The following GRHL2 variants were observed in gnomAD, a reference collection of about 807,000 sequenced individuals.
The protein encoded by GRHL2 is grainyhead-like protein 2 homolog.
GRHL2 carries 21 observed loss-of-function variants against 83.8 expected under a neutral mutation model. That is an observed-to-expected ratio of 0.25 (90% CI 0.18 to 0.36). GRHL2 has a LOEUF of 0.36. Among genes scored for constraint, GRHL2 ranks in the 10% least tolerant of loss-of-function variants. The pLI is 1.00. For missense variants in GRHL2, 623 were observed against 781.8 expected, an observed-to-expected ratio of 0.80 and a Z score of 2.42; for synonymous variants, 280 against 278.9, an observed-to-expected ratio of 1.00 and a Z score of -0.04.
chr8:101,502,585 C>T (rs549394187), intron 1 of GRHL2, among the ~76,000 whole-genome samples: 5 of 152,300 alleles, frequency 3.3e-5, no homozygotes, highest in South Asian at 2.1e-4. Flanking sequence ...CTGGCAGGGA[C>T]GCTGAGAACT....
At chr8:101,492,906 T>C (rs1289942744) in intron 1 of GRHL2, 117 bp downstream of exon 1, 17 of 990,102 alleles carry the variant, frequency 1.7e-5, no homozygotes, top group Non-Finnish European at 2.4e-5. Flanking sequence ...TTCTTTTTTC[T>C]TTTTCTTTTT....
chr8:101,599,081 C>A lies in GRHL2; in HGVS notation c.1028C>A (p.Thr343Lys). 2 of 1,612,596 alleles carry A rather than the reference C, an allele frequency of 1.2e-6. No homozygotes were observed. The highest frequency in any genetic ancestry group is 1.7e-6 in the Non-Finnish European group (2 of 1,178,814). The change falls in exon 8 of 16, where the codon ACG becomes AAG. Residue 343 changes from threonine (T) to lysine (K), a missense_variant. Around this residue, in one of 8 missense-constraint regions of GRHL2, gnomAD observed 96 missense variants for 144.8 expected, o/e 0.66. Transcript: ENST00000646743. ...DIADYKESFN[T>K]IGNIEEIAYN... ...GCCGATTACAAGGAGAGCTTTAATA[C>A]GATTGGAAACATTGAAGAGATTGCA...
At chr8:101,576,028 T>C (rs1384514172) in intron 6 of GRHL2, among the ~76,000 whole-genome samples, 3 of 152,232 alleles carry the variant, frequency 2.0e-5, no homozygotes, top group African/African-American at 7.2e-5. Context: ...GATTTCAAAG[T>C]GACAGCCAGC....
chr8:101,597,077 A>T (rs1375234085), intron 7 of GRHL2, among the ~76,000 whole-genome samples: 3 of 152,228 alleles, frequency 2.0e-5, no homozygotes, highest in African/African-American at 4.8e-5. Context: ...TCATCAGATT[A>T]GCAAGAAAGT....
chr8:101,498,924 A>T (rs1388986354), intron 1 of GRHL2, among the ~76,000 whole-genome samples: 2 of 152,072 alleles, frequency 1.3e-5, no homozygotes, highest in Non-Finnish European at 2.9e-5. Flanking sequence ...CAATACAAAA[A>T]ATTAGCCAGG....
intron 1 of GRHL2, among the ~76,000 whole-genome samples, chr8:101,542,102 G>T (rs1241571376): frequency 6.6e-6 from 1 of 152,096 alleles, no homozygotes; most frequent in East Asian, 1.9e-4. Context: ...TTTACATTGA[G>T]ACATGGGTTG....
intron 1 of GRHL2, among the ~76,000 whole-genome samples, chr8:101,520,573 ATCT>A (rs1810662693): frequency 6.6e-6 from 1 of 152,118 alleles, no homozygotes; most frequent in Non-Finnish European, 1.5e-5. Flanking sequence ...ACAAGAGAAC[ATCT>A]TGTGTTTTTA....
chr8:101,575,819 G>C (rs1811922425), intron 6 of GRHL2, among the ~76,000 whole-genome samples: 2 of 152,334 alleles, frequency 1.3e-5, no homozygotes, highest in South Asian at 4.1e-4. Flanking sequence ...GTGGCAGAGG[G>C]TAGAATGAAA....
At chr8:101,655,711 A>G (rs1390156483) in intron 14 of GRHL2, among the ~76,000 whole-genome samples, 2 of 151,972 alleles carry the variant, frequency 1.3e-5, no homozygotes, top group African/African-American at 4.8e-5. Flanking sequence ...TTAGTATTAC[A>G]TCAATCAAGC....
At chr8:101,522,404 G>GCACA (rs1810703789) in intron 1 of GRHL2, among the ~76,000 whole-genome samples, 1 of 152,156 alleles carries the variant, frequency 6.6e-6, no homozygotes, top group South Asian at 2.1e-4. Context: ...AGTAGGATGT[G>GCACA]CATGGGTTAT....
chr8:101,671,379 G>A (rs572485503), downstream of GRHL2, among the ~76,000 whole-genome samples: 103 of 152,350 alleles, frequency 6.8e-4, 1 homozygote, highest in Middle Eastern at 6.8e-3. Context: ...CACGTGGCTC[G>A]GAGGGTCCTA....
chr8:101,649,375 G>A (rs773255971), intron 13 of GRHL2, 39 bp from the exon 14 acceptor site: 3 of 1,515,570 alleles, frequency 2.0e-6, no homozygotes, highest in Non-Finnish European at 2.7e-6. Flanking sequence ...GAATTGTGCA[G>A]CCCCTCGGTC....
downstream of GRHL2, among the ~76,000 whole-genome samples, chr8:101,671,931 C>T (rs552419720): frequency 2.4e-3 from 362 of 152,276 alleles, no homozygotes; most frequent in Non-Finnish European, 3.7e-3. Context: ...GCTGCTGATA[C>T]CCAGGCAAAC....
At chr8:101,580,008 C>T (rs192067998) in intron 7 of GRHL2, among the ~76,000 whole-genome samples, 49 of 152,172 alleles carry the variant, frequency 3.2e-4, no homozygotes, top group African/African-American at 1.0e-3. Context: ...TTGAAACCCC[C>T]GTGAAACTGG....
chr8:101,547,367 A>G (rs563457031), intron 2 of GRHL2, among the ~76,000 whole-genome samples: 3 of 152,182 alleles, frequency 2.0e-5, no homozygotes, highest in Non-Finnish European at 4.4e-5. Flanking sequence ...ATTTTTGTCA[A>G]AGAAACCATT....
chr8:101,659,327 T>A (rs377296295), intron 14 of GRHL2, among the ~76,000 whole-genome samples: 1 of 152,344 alleles, frequency 6.6e-6, no homozygotes, highest in South Asian at 2.1e-4. Context: ...CATTCCAGTT[T>A]GAGGTTAGTG....
At chr8:101,611,193 C>A (rs1468192242) in intron 8 of GRHL2, among the ~76,000 whole-genome samples, 1 of 151,066 alleles carries the variant, frequency 6.6e-6, no homozygotes, top group Non-Finnish European at 1.5e-5. Context: ...TGTCAGTGCT[C>A]TGAAGTCGTC....
intron 4 of GRHL2, among the ~76,000 whole-genome samples, chr8:101,559,284 C>G (rs1723751): frequency 0.77 from 113,655 of 148,162 alleles, 43,644 homozygotes; most frequent in Non-Finnish European, 0.8. Flanking sequence ...GGCCGAAGTG[C>G]GTGGATCGAG....
Position 101,558,737 on chromosome 8 carries a change from C to G in GRHL2, c.603C>G (p.Ser201Arg). The change falls in exon 4 of 16, where the codon AGC becomes AGG. Residue 201 changes from serine to arginine, a missense_variant. This residue lies in a region of GRHL2 where 239 missense variants were observed against 240.5 expected (regional missense o/e 0.99). Transcript: ENST00000646743. The stretch of plus-strand genomic sequence containing the variant: ...ACGTGCCCTCGCTGGCCACCCACAG[C>G]GCCTATCTCAAAGACGACCAGCGCA... ...QYDVPSLATHSAYLKDDQRST... is the reference protein window; with the variant it reads ...QYDVPSLATHRAYLKDDQRST... 6.2e-7 allele frequency: 1 copy of G among 1,614,128 alleles called. No individual in the cohort carries two copies. Among genetic ancestry groups the G allele is most frequent in the South Asian group, 1.1e-5 (1 of 91,078 alleles).
Sources: allele counts gnomAD v4.1 joint callset (sites outside exome capture counted in the v4.1 genomes callset), GRCh38; gene constraint gnomAD v4.1.1; regional missense constraint gnomAD v4.1.1; transcripts MANE v1.5; gene names NCBI Gene and HGNC (gene_info 2026-07-23, HGNC 2026-07-21).